The following RANBP17 variants were observed in gnomAD, a reference collection of about 807,000 sequenced individuals.
RANBP17 encodes the protein ran-binding protein 17.
RANBP17 carries 158 observed loss-of-function variants against 141.2 expected under a neutral mutation model. That is an observed-to-expected ratio of 1.12 (90% CI 0.98 to 1.28). The LOEUF (loss-of-function observed/expected upper bound fraction) is 1.28. RANBP17 is among the 50% of genes most tolerant of loss of function. The pLI is 0.00. For synonymous variants in RANBP17, 430 were observed against 450.0 expected, an observed-to-expected ratio of 0.96 and a Z score of 0.56; for missense variants, 1,438 against 1,290.7, an observed-to-expected ratio of 1.11 and a Z score of -1.75.
intron 1 of RANBP17, among the ~76,000 whole-genome samples, chr5:170,871,421 ATTAGACC>A (rs1767717773): frequency 6.6e-6 from 1 of 152,152 alleles, no homozygotes; most frequent in African/African-American, 2.4e-5. Context: ...AATTCTGGAT[ATTAGACC>A]TTTGTCACAT....
At chr5:170,979,743 T>C (rs984927416) in intron 14 of RANBP17, among the ~76,000 whole-genome samples, 4 of 152,246 alleles carry the variant, frequency 2.6e-5, no homozygotes, top group African/African-American at 9.6e-5. Context: ...GTAAGTCCAG[T>C]AAACATCTTT....
chr5:171,229,757 A>AG (rs1291738720), intron 22 of RANBP17, among the ~76,000 whole-genome samples: 4 of 146,514 alleles, frequency 2.7e-5, no homozygotes, highest in African/African-American at 1.0e-4. Context: ...AAGATGCAAA[A>AG]GGAAAAAAAA....
chr5:171,010,318 G>T (rs180731129), intron 14 of RANBP17, among the ~76,000 whole-genome samples: 101 of 152,220 alleles, frequency 6.6e-4, no homozygotes, highest in Non-Finnish European at 2.9e-5. Flanking sequence ...ACACAGTATG[G>T]ATCTTATCCT....
chr5:171,178,306 A>G (rs1408861237), intron 16 of RANBP17, among the ~76,000 whole-genome samples: 1 of 152,000 alleles, frequency 6.6e-6, no homozygotes, highest in African/African-American at 2.4e-5. Context: ...TTCGCAGAGA[A>G]TGATGGTTTC....
At chr5:171,026,190 A>G (rs1423084075) in intron 14 of RANBP17, among the ~76,000 whole-genome samples, 1 of 152,210 alleles carries the variant, frequency 6.6e-6, no homozygotes, top group African/African-American at 2.4e-5. Flanking sequence ...AATAGCTGCC[A>G]TTTATTGAGA....
intron 5 of RANBP17, among the ~76,000 whole-genome samples, chr5:170,900,604 T>C (rs1376685032): frequency 2.0e-5 from 3 of 152,220 alleles, no homozygotes. Context: ...ATTGTGATGC[T>C]AGGGTGTCGA....
intron 1 of RANBP17, among the ~76,000 whole-genome samples, chr5:170,872,317 C>CTAT (rs1335181257): frequency 1.3e-5 from 2 of 152,034 alleles, no homozygotes; most frequent in Non-Finnish European, 2.9e-5. Flanking sequence ...GTCTGCTTGT[C>CTAT]TATTGTTGGT....
chr5:171,073,621 A>G (rs969143494), intron 14 of RANBP17, among the ~76,000 whole-genome samples: 1 of 152,140 alleles, frequency 6.6e-6, no homozygotes, highest in African/African-American at 2.4e-5. Context: ...ATGAGTGGAT[A>G]CATGGCTTAG....
intron 14 of RANBP17, among the ~76,000 whole-genome samples, chr5:170,983,478 A>G (rs1299630803): frequency 2.6e-5 from 4 of 152,254 alleles, no homozygotes; most frequent in African/African-American, 4.8e-5. Context: ...TGAATGATGA[A>G]TACAGTATCA....
chr5:170,914,551 A>G (rs1236959265), intron 8 of RANBP17, among the ~76,000 whole-genome samples: 3 of 152,076 alleles, frequency 2.0e-5, no homozygotes, highest in African/African-American at 7.2e-5. Flanking sequence ...GCCTAAGTCC[A>G]GCAGCTGACC....
At chr5:171,205,687 T>A in intron 20 of RANBP17, 75 bp downstream of exon 20, 1 of 1,110,648 alleles carries the variant, frequency 9.0e-7, no homozygotes, top group Non-Finnish European at 1.4e-6. Flanking sequence ...CGTTTAATAG[T>A]ATGGCACAGT....
intron 18 of RANBP17, among the ~76,000 whole-genome samples, chr5:171,187,355 C>G (rs1411561112): frequency 6.6e-6 from 1 of 151,502 alleles, no homozygotes; most frequent in African/African-American, 2.4e-5. Flanking sequence ...AAAATGTGGC[C>G]CAGAAACACG....
At chr5:171,165,101 T>C (rs1759591560) in intron 14 of RANBP17, among the ~76,000 whole-genome samples, 1 of 152,220 alleles carries the variant, frequency 6.6e-6, no homozygotes, top group Non-Finnish European at 1.5e-5. Flanking sequence ...AAACAGCATT[T>C]GTTGAGTAAC....
chr5:171,033,887 C>T (rs1310413517), intron 14 of RANBP17, among the ~76,000 whole-genome samples: 1 of 152,062 alleles, frequency 6.6e-6, no homozygotes, highest in African/African-American at 2.4e-5. Flanking sequence ...GATACCACGA[C>T]AATTTAAATA....
intron 14 of RANBP17, among the ~76,000 whole-genome samples, chr5:171,165,786 G>T (rs890085425): frequency 6.6e-6 from 1 of 152,166 alleles, no homozygotes; most frequent in African/African-American, 2.4e-5. Context: ...GTTTTGAGAA[G>T]TGCCCGTAAC....
chr5:171,211,737 A>G (rs1762906517), intron 20 of RANBP17, among the ~76,000 whole-genome samples: 1 of 151,634 alleles, frequency 6.6e-6, no homozygotes, highest in African/African-American at 2.4e-5. Context: ...TTCAGTATAT[A>G]CAAATGCAGC....
chr5:171,060,948 C>A (rs926905082), intron 14 of RANBP17, among the ~76,000 whole-genome samples: 363 of 82,898 alleles, frequency 4.4e-3, no homozygotes, highest in African/African-American at 0.014. Flanking sequence ...AGTTTATTTG[C>A]GTAGAGGTGT....
At chr5:171,043,280 A>G (rs1427743265) in intron 14 of RANBP17, among the ~76,000 whole-genome samples, 1 of 152,190 alleles carries the variant, frequency 6.6e-6, no homozygotes, top group Non-Finnish European at 1.5e-5. Context: ...GTGGTTTCAA[A>G]CTGGTTTACA....
intron 23 of RANBP17, among the ~76,000 whole-genome samples, 190 bp from the exon 24 acceptor site, chr5:171,242,492 C>T (rs1443433376): frequency 6.6e-6 from 1 of 152,208 alleles, no homozygotes; most frequent in African/African-American, 2.4e-5. Flanking sequence ...GTAAAGAGAT[C>T]AAGCGATTCC....
Sources: allele counts gnomAD v4.1 joint callset (sites outside exome capture counted in the v4.1 genomes callset), GRCh38; gene constraint gnomAD v4.1.1; transcripts MANE v1.5; gene names NCBI Gene and HGNC (gene_info 2026-07-23, HGNC 2026-07-21).